The following NDUFAF6 variants were observed in gnomAD, a reference collection of about 807,000 sequenced individuals.
NDUFAF6 encodes NADH:ubiquinone oxidoreductase complex assembly factor 6, also known as NADH dehydrogenase (ubiquinone) complex I, assembly factor 6.
NDUFAF6 carries 45 observed loss-of-function variants against 40.8 expected under a neutral mutation model. The observed-to-expected ratio is 1.10, with a 90% CI of 0.87 to 1.42. The LOEUF (loss-of-function observed/expected upper bound fraction) is 1.42. Ranked by LOEUF, NDUFAF6 falls within the 40% of genes most tolerant of loss-of-function variation. The pLI is 0.00. For synonymous variants in NDUFAF6, 185 were observed against 155.9 expected, an observed-to-expected ratio of 1.19 and a Z score of -1.39; for missense variants, 435 against 418.5, an observed-to-expected ratio of 1.04 and a Z score of -0.34.
At chr8:95,051,106 G>A (rs1373105901) in intron 7 of NDUFAF6, among the ~76,000 whole-genome samples, 2 of 152,208 alleles carry the variant, frequency 1.3e-5, no homozygotes, top group African/African-American at 4.8e-5. Context: ...CAGGACTAAA[G>A]ATGATATATT....
chr8:94,897,489 G>A (rs977494010), intron 1 of NDUFAF6, among the ~76,000 whole-genome samples: 3 of 152,048 alleles, frequency 2.0e-5, no homozygotes, highest in South Asian at 4.1e-4. Flanking sequence ...CTACTTATCC[G>A]TTTTAAAATT....
chr8:95,088,689 T>TTG (rs545260109), intron 2 of NDUFAF6, among the ~76,000 whole-genome samples: 10,374 of 142,270 alleles, frequency 0.073, 508 homozygotes, highest in Non-Finnish European at 0.11. Flanking sequence ...TTTTGGGGTT[T>TTG]TGTGTGTGTG....
intron 1 of NDUFAF6, among the ~76,000 whole-genome samples, chr8:94,937,440 C>CA (rs1173351669): frequency 0.036 from 3,325 of 93,434 alleles, 102 homozygotes; most frequent in African/African-American, 0.09. Context: ...GACTCCATCT[C>CA]AAAAAAAAAA....
intron 1 of NDUFAF6, among the ~76,000 whole-genome samples, chr8:94,920,566 C>T (rs975013060): frequency 1.3e-5 from 2 of 152,192 alleles, no homozygotes; most frequent in Non-Finnish European, 2.9e-5. Flanking sequence ...GGTACATGAA[C>T]CCCAGTATGC....
At chr8:95,055,660 G>A (rs73278524) in intron 8 of NDUFAF6, among the ~76,000 whole-genome samples, 4,630 of 152,224 alleles carry the variant, frequency 0.03, 242 homozygotes, top group African/African-American at 0.1. Flanking sequence ...TTTCTTTGCA[G>A]AGAAAGGGAG....
upstream of NDUFAF6, among the ~76,000 whole-genome samples, chr8:94,953,940 C>T (rs986766581): frequency 6.6e-6 from 1 of 152,140 alleles, no homozygotes; most frequent in Non-Finnish European, 1.5e-5. Context: ...TTTGATCATC[C>T]AAGGCAAGGT....
At chr8:95,045,777 T>G (rs1830676911) in intron 5 of NDUFAF6, 130 bp downstream of exon 5, 2 of 648,028 alleles carry the variant, frequency 3.1e-6, no homozygotes, top group South Asian at 1.9e-5. Context: ...AAAGGAACAG[T>G]TTTTTTTGTT....
chr8:94,932,097 T>G, intron 1 of NDUFAF6: 1 of 1,610,290 alleles, frequency 6.2e-7, no homozygotes, highest in Non-Finnish European at 8.5e-7. Flanking sequence ...TATAAGCAGC[T>G]TTTCCTGGCC....
intron 4 of NDUFAF6, 73 bp from the exon 5 acceptor site, chr8:95,045,472 G>A: frequency 9.8e-7 from 1 of 1,018,804 alleles, no homozygotes; most frequent in Non-Finnish European, 1.6e-6. Context: ...GTTCTTTGGG[G>A]CAAAAAACAG....
intron 2 of NDUFAF6, among the ~76,000 whole-genome samples, chr8:95,086,190 T>C (rs1377744681): frequency 1.3e-5 from 2 of 152,174 alleles, no homozygotes; most frequent in Non-Finnish European, 2.9e-5. Context: ...TGACCAGGAC[T>C]GGAAGAATAA....
intron 2 of NDUFAF6, among the ~76,000 whole-genome samples, chr8:95,010,956 TGAG>T (rs1827202823): frequency 6.6e-6 from 1 of 152,222 alleles, no homozygotes; most frequent in Non-Finnish European, 1.5e-5. Context: ...AGGGGAGCCG[TGAG>T]CACAGATAGT....
At chr8:95,092,409 T>G (rs1809284587) in intron 2 of NDUFAF6, among the ~76,000 whole-genome samples, 1 of 151,884 alleles carries the variant, frequency 6.6e-6, no homozygotes, top group Non-Finnish European at 1.5e-5. Context: ...CTTGAACTCC[T>G]GATCTCAAGT....
At chr8:95,037,877 C>T (rs1039026708) in intron 3 of NDUFAF6, among the ~76,000 whole-genome samples, 4 of 152,040 alleles carry the variant, frequency 2.6e-5, no homozygotes, top group Non-Finnish European at 4.4e-5. Flanking sequence ...AGAAAGGTTA[C>T]GAAATTCAAA....
intron 9 of NDUFAF6, among the ~76,000 whole-genome samples, chr8:95,073,641 G>T (rs1356472421): frequency 6.6e-6 from 1 of 152,210 alleles, no homozygotes; most frequent in Non-Finnish European, 1.5e-5. Flanking sequence ...TTCACTGGGT[G>T]TCTTTTTGCA....
chr8:95,057,168 A>C (rs2131993588), intron 8 of NDUFAF6, among the ~76,000 whole-genome samples: 1 of 152,316 alleles, frequency 6.6e-6, no homozygotes, highest in South Asian at 2.1e-4. Flanking sequence ...CTGTTTAACA[A>C]AAATGTTATT....
Position 95,048,477 on chromosome 8 carries a change from CT to C in NDUFAF6, c.738del (p.Leu247TyrfsTer9). The C allele has an allele frequency of 1.2e-6, 2 of 1,613,920 alleles. No homozygotes were observed. Among genetic ancestry groups the C allele is most frequent in the Non-Finnish European group, 1.7e-6 (2 of 1,179,846 alleles). On this transcript the variant is annotated frameshift_variant, in exon 7 of 9. Coordinates refer to ENST00000396124, the MANE Select transcript of NDUFAF6 (RefSeq NM_152416.4). LOFTEE classifies it high-confidence loss of function. Reference protein sequence around the residue: ...CMLHGVSQEDFLRRNQDKNVR... With the variant: ...CMLHGVSQEDXLRRNQDKNVR... ...CACAGCATGGTGTTTCACAAGAGGACTTTCTACGGAGGAACCAAGATAAAAA... is the reference window on the plus strand; with the variant it reads ...CACAGCATGGTGTTTCACAAGAGGACTTCTACGGAGGAACCAAGATAAAAA...
At chr8:94,932,143 G>GTA in intron 1 of NDUFAF6, 1 of 1,590,718 alleles carries the variant, frequency 6.3e-7, no homozygotes, top group Non-Finnish European at 8.6e-7. Flanking sequence ...TAAATCACTA[G>GTA]TAAGATTTAA....
intron 9 of NDUFAF6, among the ~76,000 whole-genome samples, chr8:95,066,315 G>C (rs1832703773): frequency 8.5e-6 from 1 of 117,348 alleles, no homozygotes; most frequent in Non-Finnish European, 1.6e-5. Flanking sequence ...TTTTTTGAGA[G>C]ACAGGGTCTC....
At chr8:94,964,397 C>G (rs1002940128) in intron 1 of NDUFAF6, among the ~76,000 whole-genome samples, 2 of 147,888 alleles carry the variant, frequency 1.4e-5, no homozygotes, top group Non-Finnish European at 3.0e-5. Flanking sequence ...CCACTGCACT[C>G]CAGCCTGGGC....
Sources: allele counts gnomAD v4.1 joint callset (sites outside exome capture counted in the v4.1 genomes callset), GRCh38; gene constraint gnomAD v4.1.1; transcripts MANE v1.5; gene names NCBI Gene and HGNC (gene_info 2026-07-23, HGNC 2026-07-21).